The following TRA2B variants were observed in gnomAD, a reference collection of about 807,000 sequenced individuals.
TRA2B encodes transformer 2 beta homolog, also known as transformer-2 protein homolog beta.
A neutral mutation model predicts 41.7 loss-of-function variants in TRA2B; 14 were observed. That is an observed-to-expected ratio of 0.34 (90% CI 0.22 to 0.53). TRA2B has a LOEUF of 0.53. Among genes scored for constraint, TRA2B ranks in the 20% least tolerant of loss-of-function variants. The pLI is 0.95. For missense variants in TRA2B, 167 were observed against 396.8 expected, an observed-to-expected ratio of 0.42 and a Z score of 4.92; for synonymous variants, 130 against 128.8, an observed-to-expected ratio of 1.01 and a Z score of -0.06.
intron 5 of TRA2B, 142 bp from the exon 6 acceptor site, chr3:185,921,329 T>C (rs1365028987): frequency 4.3e-6 from 3 of 705,484 alleles, no homozygotes; most frequent in Admixed American, 2.5e-5. Context: ...TGAGCAAACA[T>C]TGCCCTTTCC....
chr3:185,933,076 A>C (rs900977142), intron 1 of TRA2B, among the ~76,000 whole-genome samples: 4 of 152,176 alleles, frequency 2.6e-5, no homozygotes, highest in African/African-American at 9.7e-5. Context: ...TCCATCACTA[A>C]AATGCAATGG....
rs115166606 is a variant in TRA2B at position 185,935,753 on chromosome 3, G to C, written c.36+2072C>G. 7.9e-4 allele frequency: 782 copies of C among 985,390 alleles called. 5 individuals carry two copies. In the African/African-American group the frequency reaches 0.011, roughly 14 times the overall value. The allele number at this position is 985,390 out of a possible 1,614,324, so 61.0% of individuals were successfully genotyped here. A position where few individuals can be genotyped will look rare whatever the true frequency, so the allele number is the denominator to read the frequency against. On this transcript the variant is annotated intron_variant, in intron 1 of 8. Coordinates refer to ENST00000453386, the MANE Select transcript of TRA2B (RefSeq NM_004593.3). ...TTCCCAAGCTTGCTTTGGAAGCCTA[G>C]ACACGTGTTTGATTCAGGTGTATTC...
chr3:185,927,467 T>A (rs1225632340), intron 1 of TRA2B: 1 of 152,250 alleles, frequency 6.6e-6, no homozygotes. Context: ...TAAATGGAGA[T>A]GAGCCAGGGC....
At chr3:185,928,035 A>G (rs971757775) in intron 1 of TRA2B, 6 of 152,250 alleles carry the variant, frequency 3.9e-5, no homozygotes, top group East Asian at 1.9e-4. Flanking sequence ...TAAAATCACA[A>G]GAGATTTCCT....
chr3:185,921,046 T>C (rs1475690736), intron 6 of TRA2B, 58 bp downstream of exon 6: 3 of 1,473,980 alleles, frequency 2.0e-6, no homozygotes, highest in Non-Finnish European at 1.9e-6. Flanking sequence ...TTAAGCATAG[T>C]GCTGCTCTGT....
At chr3:185,933,597 C>A (rs1316983685) in intron 1 of TRA2B, among the ~76,000 whole-genome samples, 1 of 152,010 alleles carries the variant, frequency 6.6e-6, no homozygotes, top group Non-Finnish European at 1.5e-5. Context: ...GCAAAGAAAA[C>A]CTCATTAATC....
At chr3:185,919,412 G>C (rs372957727) in intron 7 of TRA2B, 25 bp downstream of exon 7, 1 of 1,603,084 alleles carries the variant, frequency 6.2e-7, no homozygotes, top group African/African-American at 1.3e-5. Context: ...CTGTTGTACA[G>C]ATGCTAAGTC....
At position 185,926,676 on chromosome 3, in the gene TRA2B, T is replaced by G; in HGVS notation, c.95A>C (p.His32Pro). Residue 32 changes from histidine (H) to proline (P), a missense_variant, in exon 2 of 9, where the codon CAT becomes CCT. Physicochemically the swap from His to Pro is moderately conservative, Grantham distance 77 (BLOSUM62 -2). Coordinates refer to ENST00000453386, the MANE Select transcript of TRA2B (RefSeq NM_004593.3). ...CTTGGAGCGAGACCTTGCAGGGGTA[T>G]GCCTTGCAGATTTCCCCGATCCGTG... ...SAHGSGKSAR[H>P]TPARSRSKED... The G allele has an allele frequency of 6.2e-7, 1 of 1,614,170 alleles. No individual in the cohort carries two copies. The highest frequency in any genetic ancestry group is 8.5e-7 in the Non-Finnish European group (1 of 1,180,012).
At chr3:185,936,259 A>G in intron 1 of TRA2B, 2 of 985,408 alleles carry the variant, frequency 2.0e-6, no homozygotes, top group Non-Finnish European at 2.4e-6. Context: ...AACACCAATG[A>G]CTGTTATAAC....
intron 1 of TRA2B, among the ~76,000 whole-genome samples, chr3:185,930,562 C>T (rs527587460): frequency 6.6e-6 from 1 of 152,320 alleles, no homozygotes; most frequent in Admixed American, 6.5e-5. Context: ...ATACCCTTGG[C>T]ATTCTCAACT....
At chr3:185,936,230 T>C in intron 1 of TRA2B, 1 of 985,388 alleles carries the variant, frequency 1.0e-6, no homozygotes, top group Non-Finnish European at 1.2e-6. Context: ...GACTTTAAAA[T>C]CGCTTACTTT....
chr3:185,931,650 G>A (rs1285520152), intron 1 of TRA2B: 3 of 1,266,714 alleles, frequency 2.4e-6, no homozygotes, highest in East Asian at 3.1e-5. Context: ...TCATTCTTCC[G>A]TTTCAAATTC....
At chr3:185,935,022 T>C (rs907956296) in intron 1 of TRA2B, 32 of 985,308 alleles carry the variant, frequency 3.2e-5, no homozygotes, top group Non-Finnish European at 3.9e-5. Flanking sequence ...GCTCAGAACA[T>C]TACACTGCGT....
In TRA2B at chr3:185,937,741, C is replaced by A; in HGVS notation, c.36+84G>T. ...GACTTCGGAGCCTAAAACGCCCCTG[C>A]CTCCTGGCCCGAGGCCGACGGGCCT... On this transcript the variant is annotated intron_variant, in intron 1 of 8. Coordinates refer to ENST00000453386, the MANE Select transcript of TRA2B (RefSeq NM_004593.3). The A allele has an allele frequency of 2.5e-6, 4 of 1,590,714 alleles. No homozygotes were observed. The South Asian group carries it at 3.3e-5, about 13-fold the overall frequency.
chr3:185,930,668 C>T (rs1295746795), intron 1 of TRA2B, among the ~76,000 whole-genome samples: 5 of 152,102 alleles, frequency 3.3e-5, no homozygotes, highest in African/African-American at 7.2e-5. Context: ...AATCACTTGA[C>T]CCTTCTACTC....
chr3:185,926,191 A>AT (rs886552698), intron 2 of TRA2B, among the ~76,000 whole-genome samples: 5 of 129,562 alleles, frequency 3.9e-5, no homozygotes, highest in Non-Finnish European at 5.4e-5. Flanking sequence ...TTTGACCAAC[A>AT]TTAAAAAAAA....
At chr3:185,931,614 C>T (rs891931182) in intron 1 of TRA2B, 43 of 1,291,948 alleles carry the variant, frequency 3.3e-5, no homozygotes, top group Non-Finnish European at 4.0e-5. Flanking sequence ...TACTTCTTAT[C>T]TTAACTTCAT....
intron 4 of TRA2B, 161 bp from the exon 5 acceptor site, chr3:185,922,287 C>T (rs1001144005): frequency 2.0e-5 from 9 of 442,886 alleles, no homozygotes; most frequent in Admixed American, 8.3e-5. Context: ...GTTGTTCCCT[C>T]TACTAAATGT....
At chr3:185,937,106 G>T in intron 1 of TRA2B, 3 of 985,410 alleles carry the variant, frequency 3.0e-6, no homozygotes, top group Non-Finnish European at 3.6e-6. Context: ...ATAGAATACT[G>T]ATACAGATTT....
Sources: allele counts gnomAD v4.1 joint callset (sites outside exome capture counted in the v4.1 genomes callset), GRCh38; gene constraint gnomAD v4.1.1; transcripts MANE v1.5; gene names NCBI Gene and HGNC (gene_info 2026-07-23, HGNC 2026-07-21).